The following AOPEP variants were observed in gnomAD, a reference collection of about 807,000 sequenced individuals.
AOPEP encodes the protein aminopeptidase O.
Under a neutral mutation model 98.1 loss-of-function variants are expected in AOPEP, and 77 were observed. That is an observed-to-expected ratio of 0.78 (90% CI 0.65 to 0.95). The LOEUF is 0.95. AOPEP is among the 40% of genes least tolerant of loss of function. The probability of loss-of-function intolerance (pLI) is 0.00; values close to 1 mark genes in which losing one functional copy is unlikely to be tolerated. For missense variants in AOPEP, 1,024 were observed against 1,024.7 expected, an observed-to-expected ratio of 1.00 and a Z score of 0.01; for synonymous variants, 346 against 365.3, an observed-to-expected ratio of 0.95 and a Z score of 0.60.
the AOPEP span, among the ~76,000 whole-genome samples, chr9:95,133,147 G>C: frequency 1.3e-5 from 2 of 152,228 alleles, no homozygotes. Flanking sequence ...TAGGAAGCAG[G>C]CTCTTCAGGT....
intron 5 of AOPEP, among the ~76,000 whole-genome samples, chr9:94,890,500 T>TGAGG (rs2048762818): frequency 6.6e-6 from 1 of 152,232 alleles, no homozygotes; most frequent in Non-Finnish European, 1.5e-5. Context: ...TTGAGAGTTT[T>TGAGG]CATTTTCAGT....
chr9:94,948,786 A>G (rs537422339), intron 7 of AOPEP, among the ~76,000 whole-genome samples: 7 of 152,258 alleles, frequency 4.6e-5, no homozygotes, highest in African/African-American at 1.2e-4. Context: ...TTGAATCAAA[A>G]TGGGAGTTGA....
At position 94,996,391 on chromosome 9, in the gene AOPEP, TGA is replaced by T. The variant is rs1554797226; in HGVS notation, c.1978-8758_1978-8757del. ...GTGTGTGTGTGTGTGTGTGTGTGTG[TGA>T]GAGAGAGATTTTACTTCTTCATCAA... On this transcript the variant is annotated intron_variant, in intron 11 of 16. Coordinates refer to ENST00000375315, the MANE Select transcript of AOPEP (RefSeq NM_001193329.3). Among the ~76,000 whole-genome samples the T allele has an allele frequency of 4.4e-3, 641 of 144,626 alleles. 3 individuals are homozygous for T. Among genetic ancestry groups the T allele is most frequent in the Middle Eastern group, 0.042 (12 of 288 alleles). 94.9% of individuals were successfully genotyped at this position (144,626 alleles called of 152,430 possible).
intron 5 of AOPEP, among the ~76,000 whole-genome samples, chr9:94,817,542 C>T (rs1851976368): frequency 6.6e-6 from 1 of 152,142 alleles, no homozygotes; most frequent in Non-Finnish European, 1.5e-5. Context: ...CCTAGCATTG[C>T]CCAGGCATCC....
chr9:94,907,329 T>C (rs1478769717), intron 5 of AOPEP, among the ~76,000 whole-genome samples: 3 of 152,122 alleles, frequency 2.0e-5, no homozygotes, highest in Non-Finnish European at 4.4e-5. Context: ...TTCTCGGGCT[T>C]CTCTAGAAAG....
At chr9:94,828,139 G>T (rs1255506162) in intron 5 of AOPEP, among the ~76,000 whole-genome samples, 1 of 152,184 alleles carries the variant, frequency 6.6e-6, no homozygotes, top group Non-Finnish European at 1.5e-5. Flanking sequence ...TGCGATAGAT[G>T]TTTATTTCTC....
chr9:95,080,536 AAAAT>A (rs1286520066), intron 14 of AOPEP, among the ~76,000 whole-genome samples, 154 bp from the exon 15 acceptor site: 7 of 152,198 alleles, frequency 4.6e-5, no homozygotes, highest in African/African-American at 4.8e-5. Flanking sequence ...AAAAGTAAAA[AAAAT>A]ATACTAAAAG....
intron 14 of AOPEP, among the ~76,000 whole-genome samples, chr9:95,078,639 T>G (rs906407015): frequency 6.6e-6 from 1 of 152,232 alleles, no homozygotes. Flanking sequence ...GTCGCTCCCA[T>G]CCATATGTGG....
At chr9:94,829,216 A>ACATG (rs924731428) in intron 5 of AOPEP, among the ~76,000 whole-genome samples, 3 of 152,000 alleles carry the variant, frequency 2.0e-5, no homozygotes, top group African/African-American at 7.2e-5. Context: ...ACACACACGC[A>ACATG]CACGCACACA....
At chr9:95,141,981 TG>T in the AOPEP span, among the ~76,000 whole-genome samples, 16 of 121,824 alleles carry the variant, frequency 1.3e-4, no homozygotes, top group South Asian at 2.8e-4. Flanking sequence ...TAACAGTTTG[TG>T]GGGTTTTTTT....
the AOPEP span, among the ~76,000 whole-genome samples, chr9:95,115,908 G>T: frequency 1.3e-5 from 2 of 152,174 alleles, no homozygotes; most frequent in Non-Finnish European, 2.9e-5. Flanking sequence ...CCTTCACAAT[G>T]GGTATGAAAT....
chr9:95,063,117 C>A (rs1015095157), intron 14 of AOPEP, among the ~76,000 whole-genome samples: 1 of 152,124 alleles, frequency 6.6e-6, no homozygotes, highest in African/African-American at 2.4e-5. Flanking sequence ...GCAGCCAGCA[C>A]GGAAAATGAG....
intron 1 of AOPEP, among the ~76,000 whole-genome samples, chr9:94,727,754 A>G (rs1180494130): frequency 2.6e-5 from 4 of 152,174 alleles, no homozygotes; most frequent in African/African-American, 9.7e-5. Flanking sequence ...GCTAATTGGG[A>G]AGATTAGATT....
chr9:95,111,031 A>G, the AOPEP span: 38 of 1,445,368 alleles, frequency 2.6e-5, no homozygotes, highest in Non-Finnish European at 3.3e-5. Context: ...GAAAGGAGAC[A>G]GTCAAGATGG....
At chr9:94,766,106 T>G (rs1839541354) in intron 2 of AOPEP, among the ~76,000 whole-genome samples, 1 of 152,216 alleles carries the variant, frequency 6.6e-6, no homozygotes, top group South Asian at 2.1e-4. Context: ...GGACTTAATA[T>G]GTTTTTAATT....
chr9:95,051,089 C>CTTTTTT (rs34143867), intron 13 of AOPEP, among the ~76,000 whole-genome samples: 8 of 129,908 alleles, frequency 6.2e-5, no homozygotes, highest in Non-Finnish European at 9.5e-5. Flanking sequence ...TTGTGGCTTA[C>CTTTTTT]TTTTTTTTTT....
chr9:94,944,778 T>TAGGGTGATTAACATGTTCTAA (rs1206937082), intron 7 of AOPEP, among the ~76,000 whole-genome samples: 1 of 152,140 alleles, frequency 6.6e-6, no homozygotes, highest in Non-Finnish European at 1.5e-5. Flanking sequence ...GGTTTCTTTT[T>TAGGGTGATTAACATGTTCTAA]AGGGTGATTA....
chr9:94,808,308 G>A (rs1385805759), intron 5 of AOPEP, among the ~76,000 whole-genome samples: 3 of 152,180 alleles, frequency 2.0e-5, no homozygotes, highest in African/African-American at 4.8e-5. Flanking sequence ...CTGAAGTGCT[G>A]GGATTACAGG....
At chr9:95,038,722 C>A (rs1015776951) in intron 13 of AOPEP, among the ~76,000 whole-genome samples, 1 of 152,166 alleles carries the variant, frequency 6.6e-6, no homozygotes, top group Non-Finnish European at 1.5e-5. Flanking sequence ...TTTAATTAGT[C>A]TTACATTAAG....
Sources: allele counts gnomAD v4.1 joint callset (sites outside exome capture counted in the v4.1 genomes callset), GRCh38; gene constraint gnomAD v4.1.1; transcripts MANE v1.5; gene names NCBI Gene and HGNC (gene_info 2026-07-23, HGNC 2026-07-21).